Variants in PCNX2 observed in about 807,000 individuals in gnomAD.
The protein encoded by PCNX2 is pecanex-like protein 2.
PCNX2 carries 168 observed loss-of-function variants against 223.8 expected under a neutral mutation model. The ratio of observed to expected loss-of-function variants is 0.75; its 90% CI spans 0.66 to 0.85. The LOEUF is 0.85. Ranked by LOEUF, PCNX2 falls within the 40% of genes least tolerant of loss-of-function variation. The pLI is 0.00. For missense variants in PCNX2, 2,507 were observed against 2,675.5 expected (o/e 0.94, Z 1.39); for synonymous variants, 1,006 against 1,052.6 (o/e 0.96, Z 0.86).
In PCNX2 at chr1:233,193,426, A is replaced by G. The variant is rs1305724652; in HGVS notation, c.3066+5513T>C. Among the ~76,000 whole-genome samples the G allele has an allele frequency of 2.0e-5, 3 of 152,174 alleles. No individual in the cohort carries two copies. In the East Asian group the frequency reaches 5.8e-4, roughly 29 times the overall value. On this transcript the variant is annotated intron_variant, in intron 15 of 33. Transcript: ENST00000258229. ...TGAAAATGGGCATGGTGCTCCAGAA[A>G]ACTTAAGAGAACCACGCCTAATCAT...
At chr1:233,303,854 T>C in the PCNX2 span, among the ~76,000 whole-genome samples, 1 of 152,230 alleles carries the variant, frequency 6.6e-6, no homozygotes, top group East Asian at 1.9e-4. Flanking sequence ...TACTTTTAAC[T>C]TTTCTGTGTC....
intron 26 of PCNX2, among the ~76,000 whole-genome samples, chr1:233,018,458 A>G (rs1216305738): frequency 2.0e-5 from 3 of 152,150 alleles, no homozygotes; most frequent in Non-Finnish European, 4.4e-5. Flanking sequence ...TTAATCAGAC[A>G]CTGTACTTAT....
At chr1:233,010,138 C>T (rs1381790839) in intron 28 of PCNX2, among the ~76,000 whole-genome samples, 1 of 152,212 alleles carries the variant, frequency 6.6e-6, no homozygotes, top group East Asian at 1.9e-4. Context: ...AGATGACCCA[C>T]TGTGACATGA....
intron 26 of PCNX2, among the ~76,000 whole-genome samples, chr1:233,021,814 C>T (rs538366604): frequency 1.3e-5 from 2 of 152,296 alleles, no homozygotes; most frequent in East Asian, 3.9e-4. Context: ...TTTCCATTTG[C>T]ACATGATCCT....
intron 9 of PCNX2, among the ~76,000 whole-genome samples, chr1:233,233,652 T>C (rs976476970): frequency 6.6e-6 from 1 of 152,014 alleles, no homozygotes; most frequent in Non-Finnish European, 1.5e-5. Flanking sequence ...TTCCATCCTT[T>C]ACTAGAAAGA....
At chr1:233,060,054 T>C (rs952896549) in intron 23 of PCNX2, among the ~76,000 whole-genome samples, 1 of 152,238 alleles carries the variant, frequency 6.6e-6, no homozygotes, top group Non-Finnish European at 1.5e-5. Context: ...AGTTCTGTGA[T>C]GCTACGGATG....
chr1:233,091,197 G>C (rs932904833), intron 22 of PCNX2, among the ~76,000 whole-genome samples: 1 of 152,132 alleles, frequency 6.6e-6, no homozygotes, highest in Admixed American at 6.6e-5. Context: ...TTAGGACTTG[G>C]ATCATTCTAC....
At chr1:233,316,029 G>T in the PCNX2 span, among the ~76,000 whole-genome samples, 4 of 152,150 alleles carry the variant, frequency 2.6e-5, no homozygotes, top group African/African-American at 9.7e-5. Flanking sequence ...CTTCAGAAAG[G>T]ATATCTTCCA....
intron 22 of PCNX2, among the ~76,000 whole-genome samples, chr1:233,093,002 T>C (rs1468180027): frequency 6.6e-6 from 1 of 152,184 alleles, no homozygotes; most frequent in African/African-American, 2.4e-5. Flanking sequence ...GGTTTCACCG[T>C]GTTAGCCAGG....
the PCNX2 span, among the ~76,000 whole-genome samples, chr1:233,314,363 C>G: frequency 1.3e-5 from 2 of 152,074 alleles, no homozygotes; most frequent in African/African-American, 4.8e-5. Context: ...AGAATTTTAA[C>G]TTTTCAAATT....
At chr1:233,191,877 T>C (rs901975798) in intron 15 of PCNX2, among the ~76,000 whole-genome samples, 14 of 152,206 alleles carry the variant, frequency 9.2e-5, no homozygotes, top group Non-Finnish European at 2.1e-4. Context: ...ATTCAGGTCA[T>C]GGATGTAGAA....
intron 8 of PCNX2, among the ~76,000 whole-genome samples, chr1:233,238,248 T>A (rs1658538778): frequency 6.6e-6 from 1 of 152,222 alleles, no homozygotes; most frequent in Non-Finnish European, 1.5e-5. Flanking sequence ...AGAATGCAGA[T>A]GCTACAGTAA....
intron 21 of PCNX2, among the ~76,000 whole-genome samples, chr1:233,102,200 A>C (rs1674523777): frequency 6.6e-6 from 1 of 151,852 alleles, no homozygotes; most frequent in Admixed American, 6.6e-5. Context: ...TGTTGTTGCA[A>C]ATTGACAGGA....
Position 233,077,706 on chromosome 1 carries a change from A to G in PCNX2, c.4076+12355T>C, listed in dbSNP as rs1256614876. Among the ~76,000 whole-genome samples, 7 of 152,298 alleles carry G rather than the reference A, an allele frequency of 4.6e-5. No individual in the cohort carries two copies. In the South Asian group the frequency reaches 1.5e-3, roughly 32 times the overall value. Reference sequence around the variant, plus strand: ...TCAATTTAGAAAGCACCCTACTAAGATATTACAAAATATAAAAAGAAATAT... The same window carrying G: ...TCAATTTAGAAAGCACCCTACTAAGGTATTACAAAATATAAAAAGAAATAT... On this transcript the variant is annotated intron_variant, in intron 23 of 33. Coordinates refer to ENST00000258229, the MANE Select transcript of PCNX2 (RefSeq NM_014801.4).
chr1:233,016,950 T>C lies in PCNX2; in HGVS notation c.4810A>G (p.Ile1604Val), dbSNP rs1325125140. 1 of 1,612,138 alleles carries C rather than the reference T, an allele frequency of 6.2e-7. No homozygotes were observed. Among genetic ancestry groups the C allele is most frequent in the Admixed American group, 1.7e-5 (1 of 59,984 alleles). ...ASFCNVYLEW[I>V]QHCARKRQEP... ...TGTCTTTTCCGTGCACAGTGTTGAA[T>C]CCATTCTAGATAAACATTGCAGAAG... Residue 1604 changes from isoleucine (I) to valine (V), a missense_variant, in exon 27 of 34, where the codon ATT becomes GTT. By Grantham distance (29) the Ile-to-Val change is conservative (BLOSUM62 3). This residue lies in a region of PCNX2 where 1,372 missense variants were observed against 1,509.4 expected (regional missense o/e 0.91). Coordinates refer to ENST00000258229, the MANE Select transcript of PCNX2 (RefSeq NM_014801.4).
chr1:233,259,487 G>A lies in PCNX2; in HGVS notation c.518-143C>T, dbSNP rs1039392929. 13 of 1,246,026 alleles carry A rather than the reference G, an allele frequency of 1.0e-5. No individual in the cohort carries two copies. In the Admixed American group the frequency reaches 1.1e-4, roughly 11 times the overall value. The allele number at this position is 1,246,026 out of a possible 1,614,324, so 77.2% of individuals were successfully genotyped here. The stretch of plus-strand genomic sequence containing the variant: ...CTTTTTTAATTTTACTTTAAGTTCT[G>A]GGTTACATGTGCAGAACATGCAGGT... On this transcript the variant is annotated intron_variant, in intron 4 of 33. Coordinates refer to ENST00000258229, the MANE Select transcript of PCNX2 (RefSeq NM_014801.4).
rs547031180 is a variant in PCNX2 at position 233,257,747 on chromosome 1, G to T, written c.1834+281C>A. On this transcript the variant is annotated intron_variant, in intron 5 of 33. Transcript: ENST00000258229. ...CTTGCCACAGTAGTAAAATATAATT[G>T]CTTATTTCTCTGGGAGTAAATAGTC... is the stretch of plus-strand genomic sequence containing the variant. Among the ~76,000 whole-genome samples, 15 of 152,246 alleles carry T rather than the reference G, an allele frequency of 9.9e-5. No individual in the cohort carries two copies. The East Asian group carries it at 2.7e-3, about 27-fold the overall frequency.
At chr1:233,109,554 G>T (rs1473263407) in intron 21 of PCNX2, among the ~76,000 whole-genome samples, 1 of 152,200 alleles carries the variant, frequency 6.6e-6, no homozygotes, top group Non-Finnish European at 1.5e-5. Flanking sequence ...CTTTCCACAG[G>T]TTCATCACAC....
At chr1:233,249,258 A>G (rs1445580339) in intron 8 of PCNX2, among the ~76,000 whole-genome samples, 1 of 152,220 alleles carries the variant, frequency 6.6e-6, no homozygotes, top group Non-Finnish European at 1.5e-5. Context: ...CTGGGGGGAA[A>G]AAATTAAAAA....
Sources: gnomAD v4.1 joint callset for allele counts (sites outside exome capture counted in the v4.1 genomes callset) on GRCh38, gnomAD v4.1.1 for gene constraint, gnomAD v4.1.1 regional missense constraint, MANE v1.5 for transcripts, NCBI Gene and HGNC (gene_info 2026-07-23, HGNC 2026-07-21) for gene names.